The following STK39 variants were observed in gnomAD, a reference collection of about 807,000 sequenced individuals.
STK39 encodes STE20/SPS1-related proline-alanine-rich protein kinase.
Under a neutral mutation model 77.8 loss-of-function variants are expected in STK39, and 20 were observed. That is an observed-to-expected ratio of 0.26 (90% confidence interval 0.18 to 0.37). The LOEUF is 0.37. STK39 is among the 10% of genes least tolerant of loss of function. The probability of loss-of-function intolerance (pLI) is 1.00; values close to 1 mark genes in which losing one functional copy is unlikely to be tolerated. For missense variants in STK39, 479 were observed against 656.5 expected, an observed-to-expected ratio of 0.73 and a Z score of 2.95; for synonymous variants, 246 against 234.1, an observed-to-expected ratio of 1.05 and a Z score of -0.47.
rs1684814904 is a variant in STK39, at chr2:168,030,781, TA to T, written c.1377-13687del. ...ATGAATGACCCTTGGGCAGAGCCAC[TA>T]TAAATCCTCAAGTTCAACTTTTCTG... On this transcript the variant is annotated intron_variant, in intron 14 of 17. Transcript: ENST00000355999. Among the ~76,000 whole-genome samples, 8 of 152,372 alleles carry T rather than the reference TA, an allele frequency of 5.3e-5. No individual in the cohort carries two copies. In the South Asian group the frequency reaches 1.7e-3, roughly 32 times the overall value.
intron 16 of STK39, among the ~76,000 whole-genome samples, chr2:168,003,766 A>C (rs925038162): frequency 1.3e-5 from 2 of 152,216 alleles, no homozygotes; most frequent in Non-Finnish European, 2.9e-5. Context: ...TAAACCCAGA[A>C]AGGGCTTAAG....
At chr2:168,034,031 C>A (rs543446268) in intron 14 of STK39, among the ~76,000 whole-genome samples, 1 of 152,200 alleles carries the variant, frequency 6.6e-6, no homozygotes, top group African/African-American at 2.4e-5. Flanking sequence ...GCCCTGAGAT[C>A]TTTTCTGTCT....
intron 5 of STK39, among the ~76,000 whole-genome samples, chr2:168,153,808 G>A (rs1688355234): frequency 6.6e-6 from 1 of 152,178 alleles, no homozygotes; most frequent in South Asian, 2.1e-4. Context: ...AGAGGAAGAT[G>A]TAAGAGTTGA....
chr2:168,009,916 C>T (rs1489676548), intron 16 of STK39, among the ~76,000 whole-genome samples: 3 of 152,160 alleles, frequency 2.0e-5, no homozygotes, highest in South Asian at 4.1e-4. Flanking sequence ...GCCTTAATTT[C>T]CTCCTTTTAA....
chr2:168,010,045 G>A (rs994588418), intron 16 of STK39, among the ~76,000 whole-genome samples: 4 of 152,210 alleles, frequency 2.6e-5, no homozygotes, highest in African/African-American at 9.6e-5. Flanking sequence ...AAGAAGATGT[G>A]ACCTAATGCC....
intron 1 of STK39, among the ~76,000 whole-genome samples, chr2:168,206,022 T>C (rs1689732451): frequency 6.6e-6 from 1 of 152,114 alleles, no homozygotes; most frequent in Admixed American, 6.5e-5. Context: ...TTAAACAGAT[T>C]TTCAAATCAA....
At chr2:168,063,596 G>A (rs1026331361) in intron 13 of STK39, 26 bp from the exon 14 acceptor site, 2 of 1,565,582 alleles carry the variant, frequency 1.3e-6, no homozygotes, top group African/African-American at 2.7e-5. Flanking sequence ...AGCAAACAGT[G>A]TTATAAACTG....
intron 16 of STK39, among the ~76,000 whole-genome samples, chr2:167,989,781 T>A (rs1433871906): frequency 6.6e-6 from 1 of 152,164 alleles, no homozygotes; most frequent in African/African-American, 2.4e-5. Flanking sequence ...CAGGAAATTT[T>A]AAAAATTGCA....
At chr2:168,046,162 T>C (rs1685235237) in intron 14 of STK39, among the ~76,000 whole-genome samples, 1 of 151,816 alleles carries the variant, frequency 6.6e-6, no homozygotes, top group Non-Finnish European at 1.5e-5. Context: ...GGTCAGGAGA[T>C]CGAGACCATC....
intron 16 of STK39, among the ~76,000 whole-genome samples, chr2:168,006,342 T>C (rs1684133515): frequency 6.6e-6 from 1 of 152,188 alleles, no homozygotes; most frequent in Non-Finnish European, 1.5e-5. Flanking sequence ...GTTCTAAAAC[T>C]TACTAAACTA....
chr2:168,163,612 T>C, intron 4 of STK39, 127 bp downstream of exon 4: 5 of 1,586,626 alleles, frequency 3.2e-6, no homozygotes, highest in Non-Finnish European at 4.3e-6. Context: ...TATGAACATC[T>C]GAATTTAAAC....
chr2:168,209,910 A>G (rs1418661149), intron 1 of STK39, among the ~76,000 whole-genome samples: 1 of 151,760 alleles, frequency 6.6e-6, no homozygotes, highest in East Asian at 1.9e-4. Context: ...GAAGCAAGAG[A>G]ATTGCTTGAG....
intron 14 of STK39, among the ~76,000 whole-genome samples, chr2:168,024,596 T>C (rs918476397): frequency 2.6e-5 from 4 of 152,230 alleles, no homozygotes; most frequent in Non-Finnish European, 5.9e-5. Context: ...ATTAAGATGG[T>C]GCAGCCCCCA....
intron 3 of STK39, among the ~76,000 whole-genome samples, chr2:168,165,626 A>C (rs147352175): frequency 1.3e-5 from 2 of 150,908 alleles, no homozygotes; most frequent in East Asian, 3.9e-4. Context: ...GTAGGCACTC[A>C]AGGAAACAAT....
At chr2:168,035,516 T>C (rs549121312) in intron 14 of STK39, among the ~76,000 whole-genome samples, 2 of 152,316 alleles carry the variant, frequency 1.3e-5, no homozygotes, top group South Asian at 2.1e-4. Flanking sequence ...TTTAATTAGG[T>C]AGACGTGATC....
intron 14 of STK39, among the ~76,000 whole-genome samples, chr2:168,025,255 A>C (rs932137013): frequency 6.6e-6 from 1 of 152,326 alleles, no homozygotes; most frequent in Non-Finnish European, 1.5e-5. Flanking sequence ...TTCATTATCA[A>C]CTACCTATAT....
At chr2:168,201,024 A>AG (rs1689599342) in intron 1 of STK39, among the ~76,000 whole-genome samples, 1 of 152,206 alleles carries the variant, frequency 6.6e-6, no homozygotes, top group Admixed American at 6.5e-5. Flanking sequence ...TTTTCATCTA[A>AG]GGTTTACATT....
intron 1 of STK39, among the ~76,000 whole-genome samples, chr2:168,232,573 T>C (rs1278912999): frequency 2.0e-5 from 3 of 152,194 alleles, no homozygotes; most frequent in Non-Finnish European, 4.4e-5. Context: ...AGCAAAAATA[T>C]GTTACAAAGC....
intron 1 of STK39, among the ~76,000 whole-genome samples, chr2:168,196,141 A>C (rs1689464029): frequency 6.6e-6 from 1 of 152,252 alleles, no homozygotes; most frequent in Non-Finnish European, 1.5e-5. Flanking sequence ...ACTAAGAATA[A>C]TAGCATCTTG....
Sources: allele counts gnomAD v4.1 joint callset (sites outside exome capture counted in the v4.1 genomes callset), GRCh38; gene constraint gnomAD v4.1.1; transcripts MANE v1.5; gene names NCBI Gene and HGNC (gene_info 2026-07-23, HGNC 2026-07-21).